NSD1: variants seen among roughly 807,000 people sequenced by gnomAD.
NSD1 encodes nuclear receptor binding SET domain protein 1, also known as histone-lysine N-methyltransferase, H3 lysine-36 specific.
Under a neutral mutation model 242.7 loss-of-function variants are expected in NSD1, and 26 were observed. The ratio of observed to expected loss-of-function variants is 0.11; its 90% CI spans 0.08 to 0.15. NSD1 has a LOEUF of 0.15. Ranked by LOEUF, NSD1 falls within the 10% of genes least tolerant of loss-of-function variation. NSD1 has a pLI of 1.00. For synonymous variants in NSD1, 1,106 were observed against 1,178.1 expected (o/e 0.94, Z 1.25); for missense variants, 2,495 against 3,272.8 (o/e 0.76, Z 5.80).
At chr5:177,228,968 A>G (rs1027922008) in intron 5 of NSD1, among the ~76,000 whole-genome samples, 6 of 152,154 alleles carry the variant, frequency 3.9e-5, no homozygotes, top group African/African-American at 1.4e-4. Flanking sequence ...TAGAGAACCA[A>G]TAGTTGACTG....
At chr5:177,143,155 A>G (rs1404506511) in intron 2 of NSD1, among the ~76,000 whole-genome samples, 4 of 152,164 alleles carry the variant, frequency 2.6e-5, no homozygotes, top group Non-Finnish European at 4.4e-5. Flanking sequence ...GTCAGCCTTC[A>G]TCATTTTCAA....
At chr5:177,290,063 C>T (rs552178770) in intron 21 of NSD1, among the ~76,000 whole-genome samples, 10 of 151,604 alleles carry the variant, frequency 6.6e-5, no homozygotes, top group Non-Finnish European at 1.2e-4. Flanking sequence ...CTCCTGACCT[C>T]GTGATCCGCC....
intron 2 of NSD1, among the ~76,000 whole-genome samples, chr5:177,170,907 C>G (rs976232466): frequency 2.0e-5 from 3 of 151,288 alleles, no homozygotes; most frequent in Non-Finnish European, 4.4e-5. Context: ...TAAGTAGTAT[C>G]ATATAATATT....
intron 2 of NSD1, 144 bp from the exon 3 acceptor site, chr5:177,191,740 A>G: frequency 3.8e-6 from 3 of 782,714 alleles, no homozygotes; most frequent in Non-Finnish European, 6.4e-6. Context: ...ATTTAGTTGT[A>G]CTTATTTTGT....
intron 2 of NSD1, among the ~76,000 whole-genome samples, chr5:177,170,910 A>G (rs1562149746): frequency 6.6e-6 from 1 of 151,910 alleles, no homozygotes; most frequent in Non-Finnish European, 1.5e-5. Context: ...GTAGTATCAT[A>G]TAATATTTAT....
chr5:177,204,916 C>A (rs953218464), intron 4 of NSD1, among the ~76,000 whole-genome samples: 1 of 152,064 alleles, frequency 6.6e-6, no homozygotes, highest in Non-Finnish European at 1.5e-5. Context: ...TATGACATAG[C>A]GTGACCATTC....
At chr5:177,167,392 A>G (rs1409029130) in intron 2 of NSD1, among the ~76,000 whole-genome samples, 17 of 152,128 alleles carry the variant, frequency 1.1e-4, no homozygotes, top group African/African-American at 4.1e-4. Flanking sequence ...AAAATTAGCC[A>G]GGCTTGGTGG....
intron 14 of NSD1, chr5:177,264,657 C>T: frequency 2.2e-6 from 1 of 459,316 alleles, no homozygotes; most frequent in Non-Finnish European, 4.0e-6. Flanking sequence ...ACCCCTGGCC[C>T]CAACAAAAAC....
At chr5:177,213,381 G>T (rs1402612616) in intron 5 of NSD1, among the ~76,000 whole-genome samples, 1 of 152,180 alleles carries the variant, frequency 6.6e-6, no homozygotes, top group Non-Finnish European at 1.5e-5. Flanking sequence ...TCACAGAGTT[G>T]TGCAACAATC....
At chr5:177,276,556 C>T (rs1407168846) in intron 17 of NSD1, among the ~76,000 whole-genome samples, 1 of 152,144 alleles carries the variant, frequency 6.6e-6, no homozygotes, top group Non-Finnish European at 1.5e-5. Context: ...GAACTCCTGA[C>T]CTCAGGTGAT....
chr5:177,213,460 C>G (rs998433007), intron 5 of NSD1, among the ~76,000 whole-genome samples: 2 of 152,090 alleles, frequency 1.3e-5, no homozygotes, highest in African/African-American at 2.4e-5. Context: ...AATCTGCCTT[C>G]AGGTTTTTTT....
chr5:177,135,343 C>T lies in NSD1; in HGVS notation c.240C>T (p.Ser80=), dbSNP rs1180551723. ...IPLRRLQDLA[S]MINVEYLNGS... is the part of the protein sequence containing the mutation. ...TGCGGAGACTACAGGATTTGGCCTC[C>T]ATGATCAATGTAGAGTATTTAAATG... Residue 80 remains serine (S), a synonymous_variant, in exon 2 of 23, where the codon TCC becomes TCT. Coordinates refer to ENST00000439151, the MANE Select transcript of NSD1 (RefSeq NM_022455.5). 2.5e-6 allele frequency: 4 copies of T among 1,611,506 alleles called. No homozygotes were observed. The highest frequency in any genetic ancestry group is 3.4e-6 in the Non-Finnish European group (4 of 1,177,854).
At chr5:177,275,168 G>A (rs973975262) in intron 17 of NSD1, among the ~76,000 whole-genome samples, 1 of 151,722 alleles carries the variant, frequency 6.6e-6, no homozygotes, top group African/African-American at 2.4e-5. Context: ...TTCGTTGTTT[G>A]TCAGAAATTC....
chr5:177,185,781 T>G (rs1472136132), intron 2 of NSD1, among the ~76,000 whole-genome samples: 1 of 40,068 alleles, frequency 2.5e-5, no homozygotes, highest in African/African-American at 1.6e-4. Context: ...ATATATTATA[T>G]ATGTATATTA....
chr5:177,136,183 T>G, intron 2 of NSD1, 153 bp downstream of exon 2: 2 of 666,678 alleles, frequency 3.0e-6, no homozygotes, highest in Non-Finnish European at 5.2e-6. Flanking sequence ...AATTTTACTT[T>G]GATTTTTAAA....
intron 16 of NSD1, among the ~76,000 whole-genome samples, chr5:177,272,214 G>T (rs1421333772): frequency 6.7e-6 from 1 of 148,534 alleles, no homozygotes; most frequent in Non-Finnish European, 1.5e-5. Flanking sequence ...TGGAGAATAT[G>T]ATTTATATTG....
At chr5:177,173,770 C>T (rs1759931661) in intron 2 of NSD1, among the ~76,000 whole-genome samples, 1 of 152,076 alleles carries the variant, frequency 6.6e-6, no homozygotes, top group East Asian at 1.9e-4. Context: ...CTGCACCTGG[C>T]CTACTATCTG....
chr5:177,260,221 G>A, intron 14 of NSD1, 53 bp downstream of exon 14: 4 of 1,516,806 alleles, frequency 2.6e-6, no homozygotes, highest in Non-Finnish European at 3.6e-6. Context: ...TTAAATCAAT[G>A]TTTTAATTGG....
chr5:177,138,089 A>G (rs1009009568), intron 2 of NSD1, among the ~76,000 whole-genome samples: 1 of 141,950 alleles, frequency 7.0e-6, no homozygotes, highest in Non-Finnish European at 1.5e-5. Flanking sequence ...AAAAAAAACA[A>G]CAAAAAAACA....
Sources: allele counts gnomAD v4.1 joint callset (sites outside exome capture counted in the v4.1 genomes callset), GRCh38; gene constraint gnomAD v4.1.1; transcripts MANE v1.5; gene names NCBI Gene and HGNC (gene_info 2026-07-23, HGNC 2026-07-21).